Variants in LHFPL3 observed in about 807,000 individuals in gnomAD.
LHFPL3 encodes LHFPL tetraspan subfamily member 3 protein.
Under a neutral mutation model 19.3 loss-of-function variants are expected in LHFPL3, and 5 were observed. The observed-to-expected ratio is 0.26, with a 90% CI of 0.14 to 0.54. The LOEUF is 0.54. Ranked by LOEUF, LHFPL3 falls within the 20% of genes least tolerant of loss-of-function variation. The pLI is 0.94. For synonymous variants in LHFPL3, 133 were observed against 126.2 expected, an observed-to-expected ratio of 1.05 and a Z score of -0.36; for missense variants, 249 against 307.4, an observed-to-expected ratio of 0.81 and a Z score of 1.42.
chr7:104,411,041 C>T (rs1230980816), intron 1 of LHFPL3, among the ~76,000 whole-genome samples: 1 of 152,174 alleles, frequency 6.6e-6, no homozygotes, highest in Non-Finnish European at 1.5e-5. Flanking sequence ...ATAGAAAGCA[C>T]ATTAACTATG....
intron 2 of LHFPL3, among the ~76,000 whole-genome samples, chr7:104,812,984 A>ATG (rs1562801014): frequency 6.6e-6 from 1 of 151,790 alleles, no homozygotes; most frequent in East Asian, 1.9e-4. Context: ...GTGGTGGCTC[A>ATG]CACCTGTAAT....
intron 1 of LHFPL3, among the ~76,000 whole-genome samples, chr7:104,571,831 A>G (rs1790236287): frequency 6.6e-6 from 1 of 152,192 alleles, no homozygotes; most frequent in South Asian, 2.1e-4. Flanking sequence ...AGAGGAACAG[A>G]GTTCAGAATA....
chr7:104,394,783 C>T (rs1791149059), intron 1 of LHFPL3, among the ~76,000 whole-genome samples: 1 of 152,028 alleles, frequency 6.6e-6, no homozygotes, highest in African/African-American at 2.4e-5. Context: ...TGATTGCACC[C>T]TCCACCTCCT....
chr7:104,623,367 C>T lies in LHFPL3; in HGVS notation c.446-113308C>T, dbSNP rs57251167. On this transcript the variant is annotated intron_variant, in intron 1 of 2. Transcript: ENST00000424859. ...TTCAAAGGCTGGGTGCAGTGGCTCA[C>T]GTCTGTAATCCTGGCACCTTAGAAG... 4.1e-3 allele frequency among the ~76,000 whole-genome samples: 619 copies of T among 152,178 alleles called. 34 individuals are homozygous for T. The East Asian group carries it at 0.099, about 24-fold the overall frequency.
intron 1 of LHFPL3, among the ~76,000 whole-genome samples, chr7:104,725,239 C>T (rs1342311565): frequency 6.6e-6 from 1 of 152,052 alleles, no homozygotes; most frequent in Non-Finnish European, 1.5e-5. Context: ...CTAAGATAGC[C>T]TACCTTCAAG....
chr7:104,607,463 T>C (rs565219258), intron 1 of LHFPL3, among the ~76,000 whole-genome samples: 2 of 152,292 alleles, frequency 1.3e-5, no homozygotes, highest in South Asian at 4.1e-4. Flanking sequence ...CAGATCACAG[T>C]TGTTTATATG....
intron 2 of LHFPL3, among the ~76,000 whole-genome samples, chr7:104,770,370 GT>G (rs1425638986): frequency 1.3e-5 from 2 of 152,092 alleles, no homozygotes; most frequent in Non-Finnish European, 2.9e-5. Context: ...ACAGAAACAG[GT>G]TCTATAAAAC....
intron 1 of LHFPL3, among the ~76,000 whole-genome samples, chr7:104,717,102 C>G (rs933222711): frequency 2.0e-5 from 3 of 151,930 alleles, no homozygotes; most frequent in Non-Finnish European, 4.4e-5. Flanking sequence ...CAGATATATA[C>G]CTGCAGAAGT....
chr7:104,870,362 C>T (rs1346059000), intron 2 of LHFPL3, among the ~76,000 whole-genome samples: 4 of 152,180 alleles, frequency 2.6e-5, no homozygotes, highest in African/African-American at 9.7e-5. Context: ...AGCTCTACCA[C>T]TTACCAACTC....
intron 1 of LHFPL3, among the ~76,000 whole-genome samples, chr7:104,423,085 C>T (rs1230522436): frequency 3.3e-5 from 5 of 152,098 alleles, no homozygotes; most frequent in Admixed American, 3.3e-4. Context: ...AAATAAATTA[C>T]AGAGTGCATA....
chr7:104,725,790 G>T (rs934819326), intron 1 of LHFPL3, among the ~76,000 whole-genome samples: 2 of 152,064 alleles, frequency 1.3e-5, no homozygotes, highest in Non-Finnish European at 2.9e-5. Context: ...GGTGGCTTAC[G>T]CCTGTAATCC....
rs529894988 is a variant in LHFPL3, at chr7:104,801,813, G to A, written c.682+64902G>A. ...TCTCAATCTCCTGACCTCATGATCC[G>A]CCCACTTCAGCCTCCCAAAGTGCTG... is the stretch of plus-strand genomic sequence containing the variant. On this transcript the variant is annotated intron_variant, in intron 2 of 2. Transcript: ENST00000424859. Among the ~76,000 whole-genome samples, 36 of 152,042 alleles carry A rather than the reference G, an allele frequency of 2.4e-4. 1 individual carries two copies. Among genetic ancestry groups the A allele is most frequent in the African/African-American group, 6.5e-4 (27 of 41,460 alleles).
intron 2 of LHFPL3, chr7:104,796,812 T>C (rs534033388): frequency 1.3e-5 from 2 of 152,806 alleles, no homozygotes; most frequent in South Asian, 2.1e-4. Flanking sequence ...AGGACCTAGG[T>C]TGTATCTGTC....
At chr7:104,450,821 G>A (rs1792422393) in intron 1 of LHFPL3, among the ~76,000 whole-genome samples, 1 of 151,992 alleles carries the variant, frequency 6.6e-6, no homozygotes, top group African/African-American at 2.4e-5. Flanking sequence ...GAAAAAAAAA[G>A]GAAAACATGG....
At chr7:104,852,564 A>C (rs1303062142) in intron 2 of LHFPL3, among the ~76,000 whole-genome samples, 2 of 152,206 alleles carry the variant, frequency 1.3e-5, no homozygotes, top group Admixed American at 6.5e-5. Flanking sequence ...TCTGACTTTT[A>C]TCTCACTTAC....
intron 2 of LHFPL3, among the ~76,000 whole-genome samples, chr7:104,772,652 C>T (rs1027046100): frequency 6.6e-6 from 1 of 152,238 alleles, no homozygotes; most frequent in Non-Finnish European, 1.5e-5. Context: ...AAGAAGAACA[C>T]AGAAATCTCA....
At chr7:104,365,597 A>C (rs1322304205) in intron 1 of LHFPL3, among the ~76,000 whole-genome samples, 7 of 150,028 alleles carry the variant, frequency 4.7e-5, no homozygotes, top group Non-Finnish European at 1.0e-4. Context: ...CTGGCTAACA[A>C]GGTGAAACCC....
intron 1 of LHFPL3, among the ~76,000 whole-genome samples, chr7:104,519,831 G>C (rs369188213): frequency 1.3e-5 from 2 of 152,130 alleles, no homozygotes; most frequent in African/African-American, 4.8e-5. Flanking sequence ...ATGCCATATT[G>C]GGGGTTGGTC....
intron 2 of LHFPL3, among the ~76,000 whole-genome samples, chr7:104,842,942 A>G (rs6958846): frequency 0.65 from 98,629 of 152,140 alleles, 33,694 homozygotes; most frequent in Non-Finnish European, 0.78. Context: ...AAAGTTGTTG[A>G]ACAGATCAAG....
Sources: gnomAD v4.1 joint callset for allele counts (sites outside exome capture counted in the v4.1 genomes callset) on GRCh38, gnomAD v4.1.1 for gene constraint, MANE v1.5 for transcripts, NCBI Gene and HGNC (gene_info 2026-07-23, HGNC 2026-07-21) for gene names.